SLC9A9: variants seen among roughly 807,000 people sequenced by gnomAD.
The protein encoded by SLC9A9 is solute carrier family 9 member A9, also known as sodium/hydrogen exchanger 9.
Under a neutral mutation model 77.8 loss-of-function variants are expected in SLC9A9, and 62 were observed. The ratio of observed to expected loss-of-function variants is 0.80; its 90% confidence interval spans 0.65 to 0.98. The LOEUF is 0.98. Ranked by LOEUF, SLC9A9 falls within the 50% of genes least tolerant of loss-of-function variation. The pLI is 0.00. For synonymous variants in SLC9A9, 320 were observed against 283.5 expected, an observed-to-expected ratio of 1.13 and a Z score of -1.29; for missense variants, 775 against 774.9, an observed-to-expected ratio of 1.00 and a Z score of 0.00.
At chr3:143,482,554 T>C (rs780447689) in intron 11 of SLC9A9, among the ~76,000 whole-genome samples, 13 of 152,190 alleles carry the variant, frequency 8.5e-5, no homozygotes, top group Non-Finnish European at 1.5e-4. Flanking sequence ...AACTCCCTCC[T>C]TGTTAGACAA....
intron 6 of SLC9A9, among the ~76,000 whole-genome samples, chr3:143,645,447 T>A (rs1467166162): frequency 6.6e-6 from 1 of 152,196 alleles, no homozygotes; most frequent in East Asian, 1.9e-4. Flanking sequence ...AGGGCCGAGA[T>A]GAGTGGCTAT....
chr3:143,720,917 C>G (rs962212344), intron 4 of SLC9A9, among the ~76,000 whole-genome samples: 1 of 151,056 alleles, frequency 6.6e-6, no homozygotes. Flanking sequence ...TTTCCTTAAG[C>G]CTTATATGGT....
chr3:143,816,677 C>G (rs2009026489), intron 2 of SLC9A9, among the ~76,000 whole-genome samples: 1 of 152,112 alleles, frequency 6.6e-6, no homozygotes, highest in African/African-American at 2.4e-5. Context: ...TGAAAAATAC[C>G]TAGAAGTGGG....
chr3:143,844,876 C>T (rs1030286413), intron 1 of SLC9A9, among the ~76,000 whole-genome samples: 7 of 151,704 alleles, frequency 4.6e-5, no homozygotes, highest in Non-Finnish European at 1.0e-4. Flanking sequence ...AAGTTTTAAA[C>T]ATAGTTTTGT....
At chr3:143,472,729 G>A (rs556608656) in intron 11 of SLC9A9, among the ~76,000 whole-genome samples, 20 of 152,338 alleles carry the variant, frequency 1.3e-4, no homozygotes, top group Admixed American at 2.6e-4. Context: ...ACAAATCAAT[G>A]AATGGATGAA....
rs527895908 is a variant in SLC9A9 at position 143,574,270 on chromosome 3, T to A, written c.895-77A>T. 1.1e-4 allele frequency: 124 copies of A among 1,180,360 alleles called. No individual in the cohort carries two copies. The African/African-American group carries it at 1.7e-3, about 16-fold the overall frequency. 73.1% of individuals were successfully genotyped at this position (1,180,360 alleles called of 1,614,324 possible). On this transcript the variant is annotated intron_variant, in intron 7 of 15. Coordinates refer to ENST00000316549, the MANE Select transcript of SLC9A9 (RefSeq NM_173653.4). ...CTTCTTGGCTGAGAATAAAAACTGA[T>A]CTGGTGATGATAGCTCTAGAGCAAA...
chr3:143,710,306 C>T (rs1029392372), intron 4 of SLC9A9, among the ~76,000 whole-genome samples: 5 of 152,340 alleles, frequency 3.3e-5, no homozygotes, highest in Non-Finnish European at 7.3e-5. Context: ...TCCTTCTACC[C>T]TGTGCACGCA....
intron 9 of SLC9A9, among the ~76,000 whole-genome samples, chr3:143,518,588 C>T (rs923956116): frequency 6.6e-6 from 1 of 152,166 alleles, no homozygotes; most frequent in Non-Finnish European, 1.5e-5. Context: ...TATTGCATAT[C>T]TTAGTATCAC....
intron 14 of SLC9A9, among the ~76,000 whole-genome samples, chr3:143,306,266 C>T (rs2030778083): frequency 6.6e-6 from 1 of 152,134 alleles, no homozygotes. Flanking sequence ...CCCTTTCTGC[C>T]CTTATTCTCA....
chr3:143,304,067 A>C (rs1217738915), intron 14 of SLC9A9, among the ~76,000 whole-genome samples: 1 of 152,236 alleles, frequency 6.6e-6, no homozygotes, highest in Non-Finnish European at 1.5e-5. Context: ...CTTTGTGGGA[A>C]GATGGCAACT....
intron 9 of SLC9A9, among the ~76,000 whole-genome samples, chr3:143,541,003 A>G (rs539999537): frequency 6.6e-6 from 1 of 152,330 alleles, no homozygotes; most frequent in East Asian, 1.9e-4. Context: ...ACTATCAAAC[A>G]ATTTCTTCCA....
At chr3:143,482,712 A>C (rs367582538) in intron 11 of SLC9A9, among the ~76,000 whole-genome samples, 69 of 152,362 alleles carry the variant, frequency 4.5e-4, no homozygotes, top group African/African-American at 1.6e-3. Context: ...TTTAAATTAA[A>C]TAAAAATTGC....
At chr3:143,674,647 A>C (rs2039211248) in intron 5 of SLC9A9, among the ~76,000 whole-genome samples, 1 of 152,146 alleles carries the variant, frequency 6.6e-6, no homozygotes, top group African/African-American at 2.4e-5. Flanking sequence ...TCTCAAGAGG[A>C]TACTACTCCC....
At chr3:143,533,298 C>A (rs1294625433) in intron 9 of SLC9A9, among the ~76,000 whole-genome samples, 1 of 152,164 alleles carries the variant, frequency 6.6e-6, no homozygotes, top group Non-Finnish European at 1.5e-5. Flanking sequence ...GGCTGAGAAC[C>A]CAGGTCTTCC....
chr3:143,838,992 G>T (rs1206373303), intron 1 of SLC9A9, among the ~76,000 whole-genome samples: 1 of 152,116 alleles, frequency 6.6e-6, no homozygotes, highest in Admixed American at 6.5e-5. Flanking sequence ...ATATGGGTTT[G>T]AACTTCAAAT....
chr3:143,613,281 T>A (rs1300593295), intron 6 of SLC9A9, among the ~76,000 whole-genome samples: 3 of 152,224 alleles, frequency 2.0e-5, no homozygotes, highest in Admixed American at 6.5e-5. Flanking sequence ...GAAAAAGGAA[T>A]TTCAAATATC....
chr3:143,494,316 A>G (rs75577052), intron 10 of SLC9A9, among the ~76,000 whole-genome samples: 6,528 of 152,332 alleles, frequency 0.043, 203 homozygotes, highest in East Asian at 0.13. Context: ...ATAAAAGTTT[A>G]TAAGTAAAAG....
chr3:143,457,230 C>T (rs953054717), intron 12 of SLC9A9, among the ~76,000 whole-genome samples: 1 of 152,070 alleles, frequency 6.6e-6, no homozygotes, highest in African/African-American at 2.4e-5. Context: ...GTTGCTCAGA[C>T]TGCTGTCAAA....
intron 5 of SLC9A9, among the ~76,000 whole-genome samples, chr3:143,657,047 G>A (rs2038902512): frequency 6.6e-6 from 1 of 152,268 alleles, no homozygotes; most frequent in South Asian, 2.1e-4. Context: ...TGGTATCTGG[G>A]TGCAGGCTGA....
Sources: allele counts gnomAD v4.1 joint callset (sites outside exome capture counted in the v4.1 genomes callset), GRCh38; gene constraint gnomAD v4.1.1; transcripts MANE v1.5; gene names NCBI Gene and HGNC (gene_info 2026-07-23, HGNC 2026-07-21).